MITF: variants seen among roughly 807,000 people sequenced by gnomAD.
The protein encoded by MITF is melanocyte inducing transcription factor, also known as microphthalmia-associated transcription factor.
Under a neutral mutation model 60.5 loss-of-function variants are expected in MITF, and 17 were observed. That is an observed-to-expected ratio of 0.28 (90% CI 0.19 to 0.42). The LOEUF (loss-of-function observed/expected upper bound fraction) is 0.42, where lower values mean the gene tolerates loss of function less well. MITF is among the 10% of genes least tolerant of loss of function. The pLI is 1.00. For missense variants in MITF, 622 were observed against 683.5 expected (o/e 0.91, Z 1.00); for synonymous variants, 260 against 248.5 (o/e 1.05, Z -0.43).
intron 8 of MITF, among the ~76,000 whole-genome samples, chr3:69,957,115 C>T (rs527271885): frequency 2.0e-4 from 30 of 152,256 alleles, no homozygotes; most frequent in African/African-American, 7.2e-4. Context: ...TCTCTCTTTA[C>T]CCACCCTGTC....
chr3:69,867,750 A>C (rs1362255778), intron 1 of MITF, among the ~76,000 whole-genome samples: 1 of 152,216 alleles, frequency 6.6e-6, no homozygotes, highest in Non-Finnish European at 1.5e-5. Context: ...GAAACTTGCT[A>C]TTCTGATTCT....
chr3:69,835,687 C>T (rs1354091818), intron 1 of MITF, among the ~76,000 whole-genome samples: 3 of 152,032 alleles, frequency 2.0e-5, no homozygotes, highest in East Asian at 1.9e-4. Flanking sequence ...CTCATTCTTC[C>T]GCATATGAAT....
intron 1 of MITF, among the ~76,000 whole-genome samples, chr3:69,802,564 G>A (rs988690620): frequency 6.6e-6 from 1 of 151,978 alleles, no homozygotes; most frequent in African/African-American, 2.4e-5. Context: ...GAGGTGATGT[G>A]TGAGGGAACC....
At chr3:69,879,494 T>C (rs139548572) in intron 2 of MITF, 111 bp downstream of exon 2, 3 of 1,546,018 alleles carry the variant, frequency 1.9e-6, no homozygotes, top group East Asian at 2.4e-5. Flanking sequence ...TTCAGAATTA[T>C]ATTTGAAAAC....
intron 2 of MITF, among the ~76,000 whole-genome samples, chr3:69,930,527 C>T (rs1575988016): frequency 6.6e-6 from 1 of 152,154 alleles, no homozygotes; most frequent in Admixed American, 6.5e-5. Flanking sequence ...CAGGTCTGGG[C>T]GTCAATGTCA....
chr3:69,858,700 T>A (rs78148808), intron 1 of MITF, among the ~76,000 whole-genome samples: 4 of 152,318 alleles, frequency 2.6e-5, no homozygotes, highest in African/African-American at 7.2e-5. Context: ...TCTTTAGTTA[T>A]GCACTATGAA....
At chr3:69,864,832 T>G (rs1158185255) in intron 1 of MITF, among the ~76,000 whole-genome samples, 1 of 152,184 alleles carries the variant, frequency 6.6e-6, no homozygotes, top group African/African-American at 2.4e-5. Context: ...CATATGTTGT[T>G]ACTGCTGCCT....
chr3:69,846,988 C>G (rs2063743846), intron 1 of MITF, among the ~76,000 whole-genome samples: 1 of 152,120 alleles, frequency 6.6e-6, no homozygotes. Flanking sequence ...CAAGACACAT[C>G]TACACATCAA....
chr3:69,865,802 T>C (rs780782739), intron 1 of MITF, among the ~76,000 whole-genome samples: 3 of 152,160 alleles, frequency 2.0e-5, no homozygotes, highest in African/African-American at 4.8e-5. Flanking sequence ...AGTTGTGTGA[T>C]GAGTTGATGC....
chr3:69,942,581 C>G (rs2065994355), intron 5 of MITF, among the ~76,000 whole-genome samples: 1 of 151,966 alleles, frequency 6.6e-6, no homozygotes, highest in Non-Finnish European at 1.5e-5. Context: ...TAGAGTTTGT[C>G]TACTTTCTAC....
At chr3:69,753,589 T>C (rs945664050) in intron 1 of MITF, among the ~76,000 whole-genome samples, 17 of 152,218 alleles carry the variant, frequency 1.1e-4, no homozygotes, top group Non-Finnish European at 2.2e-4. Flanking sequence ...CTGCAGGGGC[T>C]GAACCCTGCA....
intron 9 of MITF, among the ~76,000 whole-genome samples, chr3:69,961,566 AAAG>A (rs2066548698): frequency 6.7e-6 from 1 of 149,728 alleles, no homozygotes; most frequent in African/African-American, 2.5e-5. Context: ...AAAAAAAAGA[AAAG>A]AAAAGAAAAG....
At chr3:69,792,800 TATTG>T (rs1206162636) in intron 1 of MITF, among the ~76,000 whole-genome samples, 2 of 152,076 alleles carry the variant, frequency 1.3e-5, no homozygotes, top group Non-Finnish European at 2.9e-5. Flanking sequence ...TAAAATTCCT[TATTG>T]ATTGATTCCT....
At chr3:69,910,356 G>C (rs1575940904) in intron 2 of MITF, among the ~76,000 whole-genome samples, 1 of 152,216 alleles carries the variant, frequency 6.6e-6, no homozygotes, top group African/African-American at 2.4e-5. Context: ...ACCTCTGCTA[G>C]GGCAGTGCAG....
chr3:69,796,515 T>TG (rs2062831993), intron 1 of MITF, among the ~76,000 whole-genome samples: 2 of 112,850 alleles, frequency 1.8e-5, no homozygotes, highest in African/African-American at 6.1e-5. Context: ...TTTTTTTTTT[T>TG]TTGAGACGGA....
chr3:69,947,276 A>G (rs1356491294), intron 5 of MITF, among the ~76,000 whole-genome samples: 1 of 152,216 alleles, frequency 6.6e-6, no homozygotes, highest in Non-Finnish European at 1.5e-5. Flanking sequence ...CCCAAAATCC[A>G]AAATTCTCAA....
chr3:69,872,398 C>T (rs1292891830), intron 1 of MITF, among the ~76,000 whole-genome samples: 1 of 152,006 alleles, frequency 6.6e-6, no homozygotes, highest in Non-Finnish European at 1.5e-5. Context: ...TTACAGAGGT[C>T]TCTAAACATT....
At chr3:69,922,859 C>T (rs1490609850) in intron 2 of MITF, among the ~76,000 whole-genome samples, 3 of 152,174 alleles carry the variant, frequency 2.0e-5, no homozygotes, top group African/African-American at 2.4e-5. Flanking sequence ...GAAACAAACC[C>T]TCAACCCTTA....
At chr3:69,956,607 A>G in intron 8 of MITF, 77 bp downstream of exon 8, 1 of 1,260,464 alleles carries the variant, frequency 7.9e-7, no homozygotes, top group Non-Finnish European at 1.2e-6. Flanking sequence ...TAAAAAATGC[A>G]GTTGTAAAAA....
Sources: gnomAD v4.1 joint callset for allele counts (sites outside exome capture counted in the v4.1 genomes callset) on GRCh38, gnomAD v4.1.1 for gene constraint, MANE v1.5 for transcripts, NCBI Gene and HGNC (gene_info 2026-07-23, HGNC 2026-07-21) for gene names.